LRP1B: variants seen among roughly 807,000 people sequenced by gnomAD.
LRP1B encodes LDL receptor related protein 1B.
Under a neutral mutation model 556.6 loss-of-function variants are expected in LRP1B, and 217 were observed. The observed-to-expected ratio is 0.39, with a 90% confidence interval of 0.35 to 0.44. LRP1B has a LOEUF of 0.44. Ranked by LOEUF, LRP1B falls within the 20% of genes least tolerant of loss-of-function variation. The pLI, the probability that LRP1B is intolerant of heterozygous loss-of-function variation, is 1.00. For synonymous variants in LRP1B, 2,047 were observed against 1,865.8 expected, an observed-to-expected ratio of 1.10 and a Z score of -2.50; for missense variants, 5,053 against 5,620.8, an observed-to-expected ratio of 0.90 and a Z score of 3.23.
chr2:141,009,317 G>A (rs1697671929), intron 14 of LRP1B, among the ~76,000 whole-genome samples: 1 of 151,802 alleles, frequency 6.6e-6, no homozygotes, highest in Admixed American at 6.6e-5. Context: ...GATGAATTAT[G>A]CATTTAATCT....
intron 3 of LRP1B, among the ~76,000 whole-genome samples, chr2:141,290,642 C>T (rs1004866926): frequency 6.6e-6 from 1 of 152,036 alleles, no homozygotes; most frequent in Non-Finnish European, 1.5e-5. Flanking sequence ...AATATTTAGA[C>T]CTTTTCCTGC....
chr2:141,807,723 C>T (rs972485), intron 2 of LRP1B, among the ~76,000 whole-genome samples: 27,924 of 152,032 alleles, frequency 0.18, 3,010 homozygotes, highest in East Asian at 0.39. Context: ...AACTGAAGGA[C>T]CACCTTTTTA....
At chr2:141,444,126 TC>T (rs1681090448) in intron 3 of LRP1B, among the ~76,000 whole-genome samples, 1 of 152,198 alleles carries the variant, frequency 6.6e-6, no homozygotes, top group African/African-American at 2.4e-5. Flanking sequence ...GTTTGTTTTT[TC>T]CTTGAAGAAG....
chr2:141,680,609 C>T (rs1691067177), intron 2 of LRP1B, among the ~76,000 whole-genome samples: 1 of 151,942 alleles, frequency 6.6e-6, no homozygotes, highest in Admixed American at 6.6e-5. Flanking sequence ...GACTCTGTGA[C>T]AAAATGAAAG....
At chr2:140,978,924 G>A (rs1696684119) in intron 18 of LRP1B, among the ~76,000 whole-genome samples, 1 of 152,138 alleles carries the variant, frequency 6.6e-6, no homozygotes, top group Non-Finnish European at 1.5e-5. Flanking sequence ...TCATTACAAT[G>A]TGTTCATATC....
intron 83 of LRP1B, among the ~76,000 whole-genome samples, chr2:140,313,910 A>G (rs1371640528): frequency 2.0e-5 from 3 of 151,950 alleles, no homozygotes; most frequent in Non-Finnish European, 4.4e-5. Flanking sequence ...AATTAGAATA[A>G]TTTCATTATG....
At chr2:141,140,518 G>A (rs113906685) in intron 7 of LRP1B, among the ~76,000 whole-genome samples, 3,803 of 152,056 alleles carry the variant, frequency 0.025, 170 homozygotes, top group African/African-American at 0.088. Context: ...GTTAAATGAG[G>A]TCCTAAGGGT....
chr2:140,555,980 A>G (rs979664279), intron 43 of LRP1B, among the ~76,000 whole-genome samples: 2 of 152,056 alleles, frequency 1.3e-5, no homozygotes, highest in African/African-American at 4.8e-5. Context: ...CTATTCACAT[A>G]CAATATTAAA....
At chr2:140,817,584 A>G (rs1691168815) in intron 31 of LRP1B, among the ~76,000 whole-genome samples, 1 of 151,896 alleles carries the variant, frequency 6.6e-6, no homozygotes, top group Non-Finnish European at 1.5e-5. Context: ...TATTCTACAT[A>G]TTAATGTAAG....
At chr2:140,796,686 TGC>T (rs1690327491) in intron 32 of LRP1B, among the ~76,000 whole-genome samples, 1 of 152,094 alleles carries the variant, frequency 6.6e-6, no homozygotes, top group Non-Finnish European at 1.5e-5. Flanking sequence ...TAAGTGACAT[TGC>T]TCAGTGCGCA....
chr2:141,608,202 C>A (rs988975655), intron 2 of LRP1B, among the ~76,000 whole-genome samples: 4 of 151,876 alleles, frequency 2.6e-5, no homozygotes, highest in Non-Finnish European at 4.4e-5. Context: ...CCAGCCTGGG[C>A]AATAAGAGCA....
chr2:140,740,270 C>T (rs1449090790), intron 35 of LRP1B, among the ~76,000 whole-genome samples: 1 of 152,072 alleles, frequency 6.6e-6, no homozygotes, highest in Admixed American at 6.6e-5. Flanking sequence ...ACCCAAATGC[C>T]CATCAATCAA....
chr2:141,684,188 G>C (rs1691208869), intron 2 of LRP1B, among the ~76,000 whole-genome samples: 1 of 152,082 alleles, frequency 6.6e-6, no homozygotes, highest in Admixed American at 6.6e-5. Context: ...CTATAGCAAA[G>C]ACTTGGAACC....
Position 140,238,239 on chromosome 2 carries a change from G to A in LRP1B, c.13473C>T (p.Gly4491=), listed in dbSNP as rs1210670503. 2 of 1,589,252 alleles carry A rather than the reference G, an allele frequency of 1.3e-6. No individual in the cohort carries two copies. The highest frequency in any genetic ancestry group is 2.3e-5 in the East Asian group (1 of 44,368). ...IINGGINVEI[G]NPSYNMYEVD... Reference sequence around the variant, plus strand: ...CCTCATACATGTTATAAGATGGATTGCCAATTTCTACATTTATTCCTCCAT... The same window carrying A: ...CCTCATACATGTTATAAGATGGATTACCAATTTCTACATTTATTCCTCCAT... Residue 4491 remains glycine, a synonymous_variant, in exon 89 of 91, where the codon GGC becomes GGT. Transcript: ENST00000389484.
intron 77 of LRP1B, among the ~76,000 whole-genome samples, chr2:140,342,317 T>C (rs956279639): frequency 6.6e-6 from 1 of 151,264 alleles, no homozygotes; most frequent in Non-Finnish European, 1.5e-5. Flanking sequence ...TATAAAAATA[T>C]TTACTATTCA....
intron 27 of LRP1B, among the ~76,000 whole-genome samples, chr2:140,867,043 G>A (rs1031296014): frequency 6.6e-5 from 10 of 152,160 alleles, no homozygotes; most frequent in African/African-American, 2.4e-4. Context: ...ATGAGCTGAC[G>A]TTACACCAAA....
intron 41 of LRP1B, among the ~76,000 whole-genome samples, chr2:140,687,284 C>T (rs945096710): frequency 6.6e-6 from 1 of 152,114 alleles, no homozygotes; most frequent in Non-Finnish European, 1.5e-5. Context: ...CCCTGACATG[C>T]TTTTACATAT....
intron 25 of LRP1B, among the ~76,000 whole-genome samples, chr2:140,877,327 G>T (rs1175989936): frequency 6.6e-6 from 1 of 152,012 alleles, no homozygotes; most frequent in Non-Finnish European, 1.5e-5. Flanking sequence ...TCTTGTCACA[G>T]GACATGAGAC....
intron 29 of LRP1B, 78 bp from the exon 30 acceptor site, chr2:140,841,170 T>C: frequency 1.1e-6 from 1 of 906,644 alleles, no homozygotes; most frequent in Non-Finnish European, 1.6e-6. Context: ...TTATTTTCTA[T>C]CTAAGGGAAA....
Sources: gnomAD v4.1 joint callset for allele counts (sites outside exome capture counted in the v4.1 genomes callset) on GRCh38, gnomAD v4.1.1 for gene constraint, MANE v1.5 for transcripts, NCBI Gene and HGNC (gene_info 2026-07-23, HGNC 2026-07-21) for gene names.